SLC8A1: variants seen among roughly 807,000 people sequenced by gnomAD.
SLC8A1 encodes the protein sodium/calcium exchanger 1.
Under a neutral mutation model 68.3 loss-of-function variants are expected in SLC8A1, and 18 were observed. The ratio of observed to expected loss-of-function variants is 0.26; its 90% CI spans 0.18 to 0.39. The LOEUF is 0.39. Among genes scored for constraint, SLC8A1 ranks in the 10% least tolerant of loss-of-function variants. The probability of loss-of-function intolerance (pLI) is 1.00; values close to 1 mark genes in which losing one functional copy is unlikely to be tolerated. For synonymous variants in SLC8A1, 475 were observed against 415.5 expected, an observed-to-expected ratio of 1.14 and a Z score of -1.74; for missense variants, 985 against 1,156.7, an observed-to-expected ratio of 0.85 and a Z score of 2.15.
At chr2:40,098,652 A>G (rs2033714637) in exon 8 of SLC8A1, 1 of 152,066 alleles carries the variant, frequency 6.6e-6, no homozygotes, top group Non-Finnish European at 1.5e-5. Flanking sequence ...ATTATAGGAA[A>G]GATTGATAAA....
chr2:40,194,469 ATGTGTGTGTG>A (rs543194094), intron 2 of SLC8A1, among the ~76,000 whole-genome samples: 38 of 137,444 alleles, frequency 2.8e-4, no homozygotes, highest in East Asian at 1.1e-3. Flanking sequence ...TCAGTAAGCA[ATGTGTGTGTG>A]TGTGTGTGTG....
At chr2:40,214,950 A>T (rs751346504) in intron 2 of SLC8A1, among the ~76,000 whole-genome samples, 1 of 152,192 alleles carries the variant, frequency 6.6e-6, no homozygotes. Flanking sequence ...TACCGGATCA[A>T]TTCTCATGGA....
chr2:40,121,711 A>G (rs918262252), intron 7 of SLC8A1, among the ~76,000 whole-genome samples: 2 of 152,200 alleles, frequency 1.3e-5, no homozygotes, highest in Non-Finnish European at 2.9e-5. Flanking sequence ...CAGTATTATT[A>G]GCTATTTTTA....
chr2:40,397,837 A>C (rs1254786953), intron 2 of SLC8A1, among the ~76,000 whole-genome samples: 2 of 152,188 alleles, frequency 1.3e-5, no homozygotes, highest in African/African-American at 4.8e-5. Context: ...AACTAGCTAC[A>C]TGACCCAGGG....
intron 2 of SLC8A1, among the ~76,000 whole-genome samples, chr2:40,401,537 A>T (rs1405074438): frequency 1.3e-5 from 2 of 148,406 alleles, no homozygotes; most frequent in South Asian, 4.3e-4. Context: ...TTGCATAGTA[A>T]GGAAACTAGT....
chr2:40,438,317 C>G (rs768266934), intron 1 of SLC8A1, among the ~76,000 whole-genome samples: 5 of 152,000 alleles, frequency 3.3e-5, no homozygotes, highest in Non-Finnish European at 7.4e-5. Context: ...TCTAGGTCAC[C>G]AAAAAGGATT....
exon 8 of SLC8A1, chr2:40,107,295 A>AAAAAAAAAAAAAAC (rs1321699716): frequency 6.8e-6 from 1 of 148,116 alleles, no homozygotes; most frequent in African/African-American, 2.5e-5. Flanking sequence ...AAAAAAAAAA[A>AAAAAAAAAAAAAAC]AAAAGAAAAT....
intron 1 of SLC8A1, among the ~76,000 whole-genome samples, chr2:40,440,040 A>C (rs1700190829): frequency 6.6e-6 from 1 of 152,130 alleles, no homozygotes; most frequent in African/African-American, 2.4e-5. Context: ...GTCAAATCTT[A>C]TTATTTAGAG....
intron 7 of SLC8A1, among the ~76,000 whole-genome samples, chr2:40,127,537 G>T (rs764792262): frequency 6.6e-6 from 1 of 152,164 alleles, no homozygotes; most frequent in Non-Finnish European, 1.5e-5. Flanking sequence ...TGGCATAGTT[G>T]TGGTTACCTG....
chr2:40,201,672 G>C (rs1326636379), intron 2 of SLC8A1, among the ~76,000 whole-genome samples: 1 of 151,878 alleles, frequency 6.6e-6, no homozygotes, highest in African/African-American at 2.4e-5. Flanking sequence ...ATGGCAGAGA[G>C]TCACAAAACT....
At chr2:40,248,342 G>C (rs956860977) in intron 2 of SLC8A1, among the ~76,000 whole-genome samples, 2 of 152,054 alleles carry the variant, frequency 1.3e-5, no homozygotes, top group Non-Finnish European at 2.9e-5. Context: ...TGAGAAGGTG[G>C]GTACCTTTGG....
intron 7 of SLC8A1, among the ~76,000 whole-genome samples, chr2:40,131,525 G>A (rs148438195): frequency 1.0e-3 from 153 of 152,266 alleles, no homozygotes; most frequent in African/African-American, 3.3e-3. Context: ...TTTTGTGTTC[G>A]CTCCTGACCA....
chr2:40,110,331 A>C (rs2034482839), exon 8 of SLC8A1: 1 of 152,194 alleles, frequency 6.6e-6, no homozygotes, highest in Non-Finnish European at 1.5e-5. Flanking sequence ...CAGCATTTTG[A>C]AATGTACTGC....
chr2:40,370,114 A>C (rs933293526), intron 2 of SLC8A1, among the ~76,000 whole-genome samples: 1 of 152,124 alleles, frequency 6.6e-6, no homozygotes, highest in African/African-American at 2.4e-5. Flanking sequence ...TAGATGATCT[A>C]GGCAACAGAT....
intron 1 of SLC8A1, among the ~76,000 whole-genome samples, chr2:40,440,060 G>A (rs977291856): frequency 1.3e-5 from 2 of 152,074 alleles, no homozygotes; most frequent in African/African-American, 4.8e-5. Flanking sequence ...GGACCAAAGG[G>A]AGTGTTGGTG....
At chr2:40,406,433 G>T (rs1229503356) in intron 2 of SLC8A1, among the ~76,000 whole-genome samples, 53 of 152,052 alleles carry the variant, frequency 3.5e-4, no homozygotes, top group Non-Finnish European at 1.9e-4. Flanking sequence ...TTGTATAATG[G>T]ATGTATAATA....
chr2:40,323,834 C>T (rs1243730073), intron 2 of SLC8A1, among the ~76,000 whole-genome samples: 1 of 151,996 alleles, frequency 6.6e-6, no homozygotes, highest in Non-Finnish European at 1.5e-5. Context: ...AGTCTCTTAT[C>T]AAGGTATCTA....
At chr2:40,425,175 T>C (rs1407222986) in intron 2 of SLC8A1, among the ~76,000 whole-genome samples, 1 of 151,934 alleles carries the variant, frequency 6.6e-6, no homozygotes, top group Non-Finnish European at 1.5e-5. Flanking sequence ...TAATGGGATT[T>C]TGCTTTGTAA....
intron 2 of SLC8A1, among the ~76,000 whole-genome samples, chr2:40,289,794 G>A (rs1412046906): frequency 6.6e-6 from 1 of 152,002 alleles, no homozygotes; most frequent in Non-Finnish European, 1.5e-5. Context: ...TTAGGAGGTG[G>A]AGGTTGCAGT....
Sources: allele counts gnomAD v4.1 joint callset (sites outside exome capture counted in the v4.1 genomes callset), GRCh38; gene constraint gnomAD v4.1.1; transcripts MANE v1.5; gene names NCBI Gene and HGNC (gene_info 2026-07-23, HGNC 2026-07-21).